TMCO1: variants seen among roughly 807,000 people sequenced by gnomAD.
The protein encoded by TMCO1 is transmembrane and coiled-coil domains 1, also known as calcium load-activated calcium channel.
Under a neutral mutation model 29.3 loss-of-function variants are expected in TMCO1, and 29 were observed. The ratio of observed to expected loss-of-function variants is 0.99; its 90% CI spans 0.74 to 1.35. The LOEUF (loss-of-function observed/expected upper bound fraction) is 1.35, where lower values mean the gene tolerates loss of function less well. TMCO1 is among the 40% of genes most tolerant of loss of function. TMCO1 has a pLI of 0.00. For missense variants in TMCO1, 173 were observed against 225.5 expected (o/e 0.77, Z 1.49); for synonymous variants, 80 against 77.1 (o/e 1.04, Z -0.20).
At chr1:165,753,091 C>T (rs1039966189) in intron 4 of TMCO1, among the ~76,000 whole-genome samples, 13 of 152,132 alleles carry the variant, frequency 8.5e-5, no homozygotes, top group Non-Finnish European at 1.3e-4. Context: ...ATAAAGCCTA[C>T]TCTTAATAAA....
chr1:165,742,775 T>C (rs181744419), intron 6 of TMCO1, among the ~76,000 whole-genome samples: 1 of 152,356 alleles, frequency 6.6e-6, no homozygotes, highest in East Asian at 1.9e-4. Flanking sequence ...CAACTGTGAA[T>C]AACCTAAAAT....
chr1:165,756,625 A>C (rs757726548), intron 3 of TMCO1, among the ~76,000 whole-genome samples: 21 of 152,136 alleles, frequency 1.4e-4, no homozygotes, highest in Non-Finnish European at 2.9e-4. Context: ...TCAGTTAAAA[A>C]GCAAAGGACG....
chr1:165,728,184 G>T, intron 6 of TMCO1, 63 bp from the exon 7 acceptor site: 1 of 1,326,356 alleles, frequency 7.5e-7, no homozygotes, highest in Non-Finnish European at 1.1e-6. Flanking sequence ...TGTGTTTTAT[G>T]TAGCTCTCAG....
chr1:165,764,950 T>C (rs1652515745), intron 2 of TMCO1, among the ~76,000 whole-genome samples: 1 of 152,122 alleles, frequency 6.6e-6, no homozygotes, highest in Non-Finnish European at 1.5e-5. Context: ...AGATGTGAAA[T>C]GATCTGAAAA....
chr1:165,764,334 T>C (rs1178525643), intron 2 of TMCO1, among the ~76,000 whole-genome samples: 1 of 152,236 alleles, frequency 6.6e-6, no homozygotes, highest in Non-Finnish European at 1.5e-5. Context: ...ATGGCCTTTG[T>C]CCTCATAGCA....
At chr1:165,756,021 C>T (rs1185818045) in intron 3 of TMCO1, among the ~76,000 whole-genome samples, 4 of 148,390 alleles carry the variant, frequency 2.7e-5, no homozygotes, top group African/African-American at 7.5e-5. Context: ...CTTTAATTTG[C>T]CTAAGAATTA....
downstream of TMCO1, chr1:165,725,218 T>C (rs76564271): frequency 0.029 from 13,021 of 453,792 alleles, 251 homozygotes; most frequent in Non-Finnish European, 0.042. Context: ...ATAAAATAAG[T>C]ATAAATAGTC....
chr1:165,743,962 C>T (rs1033842722), intron 5 of TMCO1, among the ~76,000 whole-genome samples: 1 of 151,588 alleles, frequency 6.6e-6, no homozygotes, highest in Non-Finnish European at 1.5e-5. Context: ...CTGCTTCAAG[C>T]GATTCTCCTG....
chr1:165,755,653 T>C (rs73014632), intron 3 of TMCO1, among the ~76,000 whole-genome samples: 2,020 of 152,230 alleles, frequency 0.013, 54 homozygotes, highest in African/African-American at 0.047. Context: ...GTAACCTTGC[T>C]TCAAAAACAA....
At chr1:165,739,146 T>C (rs1651494770) in intron 6 of TMCO1, among the ~76,000 whole-genome samples, 1 of 152,208 alleles carries the variant, frequency 6.6e-6, no homozygotes, top group Admixed American at 6.5e-5. Context: ...TCAGCAAGCA[T>C]GTTTCAGTAG....
intron 2 of TMCO1, among the ~76,000 whole-genome samples, chr1:165,763,569 A>C (rs1488001603): frequency 2.6e-5 from 4 of 152,210 alleles, no homozygotes; most frequent in African/African-American, 9.6e-5. Flanking sequence ...ATATGAAGAA[A>C]TTATAGTAAA....
intron 5 of TMCO1, among the ~76,000 whole-genome samples, chr1:165,748,414 G>A (rs1484820787): frequency 6.6e-6 from 1 of 152,172 alleles, no homozygotes; most frequent in East Asian, 1.9e-4. Context: ...GGGAGCTGGT[G>A]CTAGGATGAA....
At chr1:165,766,038 C>T (rs1043438142) in intron 2 of TMCO1, among the ~76,000 whole-genome samples, 41 of 152,178 alleles carry the variant, frequency 2.7e-4, no homozygotes, top group African/African-American at 7.7e-4. Context: ...TTCTGGATAT[C>T]GGAAGCTTTC....
At chr1:165,729,478 A>G (rs1651052316) in intron 6 of TMCO1, among the ~76,000 whole-genome samples, 2 of 151,926 alleles carry the variant, frequency 1.3e-5, no homozygotes, top group African/African-American at 4.8e-5. Context: ...TATCACACCC[A>G]GCTAATTTTT....
Position 165,731,518 on chromosome 1 carries a change from C to G in TMCO1, c.469-3397G>C, listed in dbSNP as rs138491374. Reference sequence around the variant, plus strand: ...ATTCTGAAGGGTCAAATAGATGAGTCCTTATCATTTTAGAGATTAAAAACC... The same window carrying G: ...ATTCTGAAGGGTCAAATAGATGAGTGCTTATCATTTTAGAGATTAAAAACC... On this transcript the variant is annotated intron_variant, in intron 6 of 6. Transcript: ENST00000367881. Among the ~76,000 whole-genome samples, 523 of 152,188 alleles carry G rather than the reference C, an allele frequency of 3.4e-3. 4 individuals are homozygous for G. The highest frequency in any genetic ancestry group is 0.018 in the South Asian group (88 of 4,820).
chr1:165,767,529 TA>T (rs1652617080), intron 2 of TMCO1, among the ~76,000 whole-genome samples: 1 of 152,240 alleles, frequency 6.6e-6, no homozygotes. Context: ...CCTTAAATGT[TA>T]AGATTTCCAT....
chr1:165,754,625 T>G (rs59221529), intron 3 of TMCO1, among the ~76,000 whole-genome samples: 2,012 of 152,296 alleles, frequency 0.013, 50 homozygotes, highest in African/African-American at 0.047. Context: ...ATGTCTCAAA[T>G]TAGTTATCCT....
At chr1:165,742,804 A>T (rs1651644643) in intron 6 of TMCO1, among the ~76,000 whole-genome samples, 1 of 152,236 alleles carries the variant, frequency 6.6e-6, no homozygotes, top group Admixed American at 6.5e-5. Flanking sequence ...TGTTAAACTT[A>T]CTTGTGCTCC....
At position 165,759,644 on chromosome 1, in the gene TMCO1, T is replaced by A. The variant is rs979357438; in HGVS notation, c.149-60A>T. 5.2e-5 allele frequency: 74 copies of A among 1,416,938 alleles called. No homozygotes were observed. The African/African-American group carries it at 9.7e-4, about 19-fold the overall frequency. The allele number at this position is 1,416,938 out of a possible 1,614,324, so 87.8% of individuals were successfully genotyped here. A position where few individuals can be genotyped will look rare whatever the true frequency, so the allele number is the denominator to read the frequency against. On this transcript the variant is annotated intron_variant, in intron 2 of 6. Coordinates refer to ENST00000367881, the MANE Select transcript of TMCO1 (RefSeq NM_019026.6). ...TGGATTATACTAAAGAAACAAAGGA[T>A]GCTTTATCACAGCTGAACCAATGAA...
Sources: gnomAD v4.1 joint callset for allele counts (sites outside exome capture counted in the v4.1 genomes callset) on GRCh38, gnomAD v4.1.1 for gene constraint, MANE v1.5 for transcripts, NCBI Gene and HGNC (gene_info 2026-07-23, HGNC 2026-07-21) for gene names.